The following CLUL1 variants were observed in gnomAD, a reference collection of about 807,000 sequenced individuals.
CLUL1 encodes the protein clusterin-like protein 1.
CLUL1 carries 43 observed loss-of-function variants against 49.4 expected under a neutral mutation model. That is an observed-to-expected ratio of 0.87 (90% CI 0.68 to 1.12). The LOEUF (loss-of-function observed/expected upper bound fraction) is 1.12. Among genes scored for constraint, CLUL1 ranks in the 50% most tolerant of loss-of-function variants. The pLI is 0.00. For missense variants in CLUL1, 486 were observed against 544.4 expected, an observed-to-expected ratio of 0.89 and a Z score of 1.07; for synonymous variants, 192 against 184.9, an observed-to-expected ratio of 1.04 and a Z score of -0.31.
In CLUL1 at chr18:627,529, G is replaced by A. The variant is rs2073846775; in HGVS notation, c.856G>A (p.Ala286Thr). The A allele has an allele frequency of 1.3e-6, 2 of 1,595,758 alleles. No individual in the cohort carries two copies. The highest frequency in any genetic ancestry group is 2.2e-5 in the East Asian group (1 of 44,660). ...AGAAGATTTACCAAAACAAGACAAA[G>A]GCAAGTATTAAAAGATTACTTTTAC... Reference protein sequence around the residue: ...AIEDLPKQDKAPDHGGLISKM... With the variant: ...AIEDLPKQDKTPDHGGLISKM... Residue 286 changes from alanine to threonine, a missense_variant and splice_region_variant, in exon 6 of 10, where the codon GCT (alanine) becomes ACT (threonine). Ala to Thr is a moderately conservative substitution (Grantham distance 58). Transcript: ENST00000692774.
intron 5 of CLUL1, among the ~76,000 whole-genome samples, chr18:626,349 A>G (rs1014857308): frequency 3.3e-5 from 5 of 151,984 alleles, no homozygotes; most frequent in African/African-American, 1.2e-4. Flanking sequence ...TGATCCACAC[A>G]CCTTGGCCTC....
chr18:597,819 T>G (rs143907266), intron 1 of CLUL1: 1 of 152,344 alleles, frequency 6.6e-6, no homozygotes, highest in African/African-American at 2.4e-5. Context: ...CTTGATAAAA[T>G]CAGTATTTGA....
chr18:630,586 T>G (rs12958729), intron 6 of CLUL1, among the ~76,000 whole-genome samples: 82,455 of 150,862 alleles, frequency 0.55, 23,375 homozygotes, highest in East Asian at 0.77. Context: ...AGGAGCCGAG[T>G]AATGTAGGTG....
At position 624,969 on chromosome 18, in the gene CLUL1, G is replaced by T; in HGVS notation, c.360G>T (p.Leu120=). 6.2e-7 allele frequency: 1 copy of T among 1,614,116 alleles called. No individual in the cohort carries two copies. Among genetic ancestry groups the T allele is most frequent in the Non-Finnish European group, 8.5e-7 (1 of 1,180,012 alleles). ...ADSWGECRSC[L]ENNCMRIYTT... is the part of the protein sequence containing the mutation. ...CCTGGGGTGAATGCAGGTCTTGCCTGGAAAATAACTGCATGAGAATTTATA... is the reference window on the plus strand; with the variant it reads ...CCTGGGGTGAATGCAGGTCTTGCCTTGAAAATAACTGCATGAGAATTTATA... The change falls in exon 5 of 10, where the codon CTG becomes CTT. Residue 120 remains leucine (L), a synonymous_variant. Transcript: ENST00000692774.
chr18:603,059 A>G (rs1295267513), intron 1 of CLUL1, among the ~76,000 whole-genome samples: 2 of 152,220 alleles, frequency 1.3e-5, no homozygotes, highest in Non-Finnish European at 2.9e-5. Flanking sequence ...ACTGAACTTT[A>G]TTCTGTGAAC....
Position 641,509 on chromosome 18 carries a change from C to T in CLUL1, c.1177C>T (p.Pro393Ser). 3.1e-6 allele frequency: 5 copies of T among 1,614,042 alleles called. No homozygotes were observed. Among genetic ancestry groups the T allele is most frequent in the Non-Finnish European group, 3.4e-6 (4 of 1,180,000 alleles). Reference protein sequence around the residue: ...GWVSELANQAPETEIIFNSIQ... With the variant: ...GWVSELANQASETEIIFNSIQ... ...GGTGTCTGAACTGGCAAACCAGGCC[C>T]CAGAAACAGAGATCATCTTTAATTC... Residue 393 changes from proline (P) to serine (S), a missense_variant, in exon 8 of 10, where the codon CCA becomes TCA. By Grantham distance (74) the Pro-to-Ser change is moderately conservative. Coordinates refer to ENST00000692774, the MANE Select transcript of CLUL1 (RefSeq NM_001393344.1).
intron 6 of CLUL1, among the ~76,000 whole-genome samples, chr18:631,496 G>T (rs2073993637): frequency 6.6e-6 from 1 of 152,170 alleles, no homozygotes; most frequent in South Asian, 2.1e-4. Context: ...TGCACTGGAA[G>T]TAGCTCCCTG....
chr18:643,705 C>T (rs1312158325), intron 8 of CLUL1, among the ~76,000 whole-genome samples: 1 of 152,198 alleles, frequency 6.6e-6, no homozygotes, highest in African/African-American at 2.4e-5. Context: ...TTCAATTATA[C>T]ATTTTTATAA....
At chr18:642,251 C>T (rs1306699549) in intron 8 of CLUL1, among the ~76,000 whole-genome samples, 2 of 151,892 alleles carry the variant, frequency 1.3e-5, no homozygotes, top group African/African-American at 2.4e-5. Flanking sequence ...GCTAATGTGG[C>T]GAAACCCCGT....
chr18:627,567 A>G (rs780102769), intron 6 of CLUL1, 38 bp downstream of exon 6: 2 of 1,449,060 alleles, frequency 1.4e-6, no homozygotes, highest in East Asian at 2.3e-5. Flanking sequence ...AGAGGTTTAC[A>G]CTAAAGTCAA....
intron 2 of CLUL1, among the ~76,000 whole-genome samples, chr18:610,885 T>G (rs2073114665): frequency 6.6e-6 from 1 of 151,846 alleles, no homozygotes; most frequent in Non-Finnish European, 1.5e-5. Flanking sequence ...AAAATAAAAA[T>G]TAAACATTAA....
chr18:633,574 T>C (rs1296365608), intron 7 of CLUL1, 139 bp downstream of exon 7: 8 of 756,086 alleles, frequency 1.1e-5, no homozygotes, highest in Non-Finnish European at 1.5e-5. Flanking sequence ...GTTACTTCTA[T>C]AGAAGGGTGC....
At chr18:615,260 C>G (rs1009975762) in intron 2 of CLUL1, among the ~76,000 whole-genome samples, 5 of 152,052 alleles carry the variant, frequency 3.3e-5, no homozygotes, top group Non-Finnish European at 5.9e-5. Context: ...AGAGGAAGAG[C>G]CTTTTTGGAA....
At chr18:634,296 A>T (rs569195466) in intron 7 of CLUL1, among the ~76,000 whole-genome samples, 1 of 151,732 alleles carries the variant, frequency 6.6e-6, no homozygotes, top group East Asian at 1.9e-4. Flanking sequence ...CGCCCGGCTA[A>T]TTTTTTTTGT....
intron 7 of CLUL1, among the ~76,000 whole-genome samples, chr18:638,251 C>G (rs2074215772): frequency 6.6e-6 from 1 of 152,070 alleles, no homozygotes; most frequent in Non-Finnish European, 1.5e-5. Flanking sequence ...ATATACTGAC[C>G]TCTTACAAAA....
chr18:601,375 G>A (rs146201020), intron 1 of CLUL1, among the ~76,000 whole-genome samples: 5,108 of 152,250 alleles, frequency 0.034, 178 homozygotes, highest in South Asian at 0.17. Context: ...GGGCGCGGTG[G>A]CTCACACCTG....
intron 7 of CLUL1, among the ~76,000 whole-genome samples, chr18:638,781 C>G (rs1366311620): frequency 2.0e-5 from 3 of 151,888 alleles, no homozygotes; most frequent in Admixed American, 2.0e-4. Context: ...TCGCTTGAAA[C>G]CAGAAGCCGG....
chr18:621,285 CT>C (rs1261522658), intron 4 of CLUL1, among the ~76,000 whole-genome samples: 1 of 152,054 alleles, frequency 6.6e-6, no homozygotes, highest in Non-Finnish European at 1.5e-5. Flanking sequence ...CTGCTTACAT[CT>C]TTTTACTTCT....
chr18:644,309 A>T (rs1476695207), intron 8 of CLUL1, among the ~76,000 whole-genome samples: 2 of 152,242 alleles, frequency 1.3e-5, no homozygotes, highest in Non-Finnish European at 2.9e-5. Context: ...TTGAGAATTC[A>T]TTAAGAGAGT....
Sources: allele counts gnomAD v4.1 joint callset (sites outside exome capture counted in the v4.1 genomes callset), GRCh38; gene constraint gnomAD v4.1.1; transcripts MANE v1.5; gene names NCBI Gene and HGNC (gene_info 2026-07-23, HGNC 2026-07-21).